ARHGAP22: variants seen among roughly 807,000 people sequenced by gnomAD.
The protein encoded by ARHGAP22 is Rho GTPase activating protein 22, also known as rho GTPase-activating protein 22.
Under a neutral mutation model 59.1 loss-of-function variants are expected in ARHGAP22, and 48 were observed. The ratio of observed to expected loss-of-function variants is 0.81; its 90% confidence interval spans 0.64 to 1.03. ARHGAP22 has a LOEUF of 1.03. Among genes scored for constraint, ARHGAP22 ranks in the 50% least tolerant of loss-of-function variants. The pLI is 0.00. For synonymous variants in ARHGAP22, 445 were observed against 416.4 expected (o/e 1.07, Z -0.84); for missense variants, 1,015 against 958.7 (o/e 1.06, Z -0.78).
chr10:48,447,551 G>A (rs1173685697), intron 9 of ARHGAP22, among the ~76,000 whole-genome samples: 1 of 152,148 alleles, frequency 6.6e-6, no homozygotes, highest in East Asian at 1.9e-4. Flanking sequence ...TCATCACTGA[G>A]CTTGAAGCAT....
chr10:48,593,798 A>G (rs1031387223), intron 1 of ARHGAP22, among the ~76,000 whole-genome samples: 2 of 152,264 alleles, frequency 1.3e-5, no homozygotes, highest in Non-Finnish European at 2.9e-5. Context: ...ACCACTTTAT[A>G]TAAAAAGGAA....
intron 3 of ARHGAP22, among the ~76,000 whole-genome samples, chr10:48,508,903 C>A (rs1226340125): frequency 1.3e-5 from 2 of 152,240 alleles, no homozygotes; most frequent in East Asian, 3.8e-4. Context: ...CAGAAGCAAG[C>A]GTTCCTAAGG....
chr10:48,582,940 A>T lies in ARHGAP22; in HGVS notation c.234+13T>A. The T allele has an allele frequency of 6.2e-7, 1 of 1,614,036 alleles. No homozygotes were observed. Among genetic ancestry groups the T allele is most frequent in the Non-Finnish European group, 8.5e-7 (1 of 1,179,896 alleles). On this transcript the variant is annotated intron_variant, in intron 2 of 9. Transcript: ENST00000249601. ...CCACGATGCCCACGGCACACCGGAC[A>T]TGCACTTCTCACCTGGGGCTTGATC...
chr10:48,469,802 G>A (rs1048494592), intron 4 of ARHGAP22, among the ~76,000 whole-genome samples: 1 of 152,178 alleles, frequency 6.6e-6, no homozygotes, highest in Non-Finnish European at 1.5e-5. Context: ...GTCCTCCAGG[G>A]CCACTTGGAA....
At chr10:48,573,784 A>G (rs1268841179) in intron 2 of ARHGAP22, among the ~76,000 whole-genome samples, 1 of 152,372 alleles carries the variant, frequency 6.6e-6, no homozygotes, top group South Asian at 2.1e-4. Flanking sequence ...AAAAGTAGGA[A>G]CAAGAGGGCT....
At chr10:48,557,869 T>A (rs2057408878) in intron 2 of ARHGAP22, among the ~76,000 whole-genome samples, 1 of 151,958 alleles carries the variant, frequency 6.6e-6, no homozygotes, top group Non-Finnish European at 1.5e-5. Flanking sequence ...GCAGAGGGAG[T>A]CTGCTCTCTG....
At chr10:48,434,915 A>C in the ARHGAP22 span, 20 of 1,613,624 alleles carry the variant, frequency 1.2e-5, no homozygotes, top group Non-Finnish European at 1.6e-5. Flanking sequence ...CTCAGCATCC[A>C]TCATCATCGT....
At chr10:48,607,055 G>A (rs571780781), upstream of ARHGAP22, among the ~76,000 whole-genome samples, 36 of 152,232 alleles carry the variant, frequency 2.4e-4, 1 homozygote, top group South Asian at 7.5e-3. Flanking sequence ...ATCTCATGTC[G>A]ACACCAGGGT....
the ARHGAP22 span, chr10:48,430,983 A>G: frequency 1.7e-6 from 1 of 582,144 alleles, no homozygotes; most frequent in South Asian, 2.1e-5. Flanking sequence ...AAAGATTAGT[A>G]CTTCCTTTTA....
intron 1 of ARHGAP22, among the ~76,000 whole-genome samples, chr10:48,619,997 A>G (rs1373442614): frequency 6.6e-6 from 1 of 152,254 alleles, no homozygotes; most frequent in Non-Finnish European, 1.5e-5. Context: ...AAATACCTCA[A>G]AAACAAAAGA....
At chr10:48,496,870 G>C (rs2050991172) in intron 3 of ARHGAP22, among the ~76,000 whole-genome samples, 1 of 152,142 alleles carries the variant, frequency 6.6e-6, no homozygotes, top group African/African-American at 2.4e-5. Context: ...TGGGGGGTAG[G>C]AACCAAGGTG....
intron 3 of ARHGAP22, among the ~76,000 whole-genome samples, chr10:48,519,177 C>T (rs11819511): frequency 6.6e-6 from 1 of 152,042 alleles, no homozygotes. Flanking sequence ...TGCAGCAGAA[C>T]AGCAGAACCG....
intron 3 of ARHGAP22, among the ~76,000 whole-genome samples, chr10:48,508,953 A>C (rs1405202496): frequency 6.6e-6 from 1 of 152,272 alleles, no homozygotes; most frequent in East Asian, 1.9e-4. Flanking sequence ...AGAGAGATGC[A>C]GTTGGTGAGG....
intron 1 of ARHGAP22, among the ~76,000 whole-genome samples, chr10:48,632,807 C>A (rs901511008): frequency 6.6e-6 from 1 of 152,066 alleles, no homozygotes; most frequent in Non-Finnish European, 1.5e-5. Flanking sequence ...GATGCCAGAG[C>A]GAAATCATTG....
chr10:48,491,532 G>A (rs1345786456), intron 3 of ARHGAP22, among the ~76,000 whole-genome samples: 1 of 152,188 alleles, frequency 6.6e-6, no homozygotes, highest in African/African-American at 2.4e-5. Context: ...TATTCATAAT[G>A]TTTCTGGTTG....
chr10:48,654,988 C>T (rs116743493), upstream of ARHGAP22, among the ~76,000 whole-genome samples: 1,061 of 131,878 alleles, frequency 8.0e-3, 53 homozygotes, highest in African/African-American at 0.031. Context: ...TCCTTCCTCC[C>T]TTCCTCTCTC....
At chr10:48,609,778 T>C (rs1178330137), upstream of ARHGAP22, among the ~76,000 whole-genome samples, 1 of 152,218 alleles carries the variant, frequency 6.6e-6, no homozygotes, top group Non-Finnish European at 1.5e-5. Context: ...GGGGACCTTC[T>C]ACAAGGCCTG....
chr10:48,447,642 G>C (rs1424945100), intron 9 of ARHGAP22, among the ~76,000 whole-genome samples: 1 of 151,956 alleles, frequency 6.6e-6, no homozygotes, highest in Non-Finnish European at 1.5e-5. Flanking sequence ...CCTGGCTCGG[G>C]CCTGGACCTC....
At chr10:48,485,420 T>C (rs4644607) in intron 3 of ARHGAP22, among the ~76,000 whole-genome samples, 144,010 of 152,252 alleles carry the variant, frequency 0.95, 68,653 homozygotes, top group East Asian at 1. Context: ...TACCAGAATA[T>C]GGTATATCTT....
Sources: gnomAD v4.1 joint callset for allele counts (sites outside exome capture counted in the v4.1 genomes callset) on GRCh38, gnomAD v4.1.1 for gene constraint, MANE v1.5 for transcripts, NCBI Gene and HGNC (gene_info 2026-07-23, HGNC 2026-07-21) for gene names.